The following STX2 variants were observed in gnomAD, a reference collection of about 807,000 sequenced individuals.
STX2 encodes the protein syntaxin 2, also known as syntaxin-2.
In STX2, 27 loss-of-function variants were observed where a neutral mutation model predicts 40.6. That is an observed-to-expected ratio of 0.66 (90% CI 0.49 to 0.92). The LOEUF is 0.92. Among genes scored for constraint, STX2 ranks in the 40% least tolerant of loss-of-function variants. The pLI, the probability that STX2 is intolerant of heterozygous loss-of-function variation, is 0.00. For missense variants in STX2, 328 were observed against 366.1 expected, an observed-to-expected ratio of 0.90 and a Z score of 0.85; for synonymous variants, 123 against 119.1, an observed-to-expected ratio of 1.03 and a Z score of -0.22.
At position 130,821,792 on chromosome 12, in the gene STX2, G is replaced by GGA. The variant is rs748006925; in HGVS notation, c.106-6_106-5dup. 57 of 1,545,054 alleles carry GGA rather than the reference G, an allele frequency of 3.7e-5. No individual in the cohort carries two copies. In the East Asian group the frequency reaches 5.4e-4, roughly 15 times the overall value. On this transcript the variant is annotated splice_region_variant and splice_polypyrimidine_tract_variant and intron_variant, in intron 2 of 10. Transcript: ENST00000392373. ...TACTGTTTCTAATCTCCTCCACCTA[G>GGA]GAGAGAGAGAGAGTCATTACAGCAT...
intron 1 of STX2, among the ~76,000 whole-genome samples, chr12:130,832,672 C>T (rs1383948759): frequency 1.3e-5 from 2 of 152,146 alleles, no homozygotes; most frequent in East Asian, 1.9e-4. Flanking sequence ...AACTTGGGGG[C>T]GGGGGCAGCC....
rs1225423848 is a variant in STX2 at position 130,798,351 on chromosome 12, C to A, written c.786+174G>T. On this transcript the variant is annotated intron_variant, in intron 9 of 10. Coordinates refer to ENST00000392373, the MANE Select transcript of STX2 (RefSeq NM_194356.4). Reference sequence around the variant, plus strand: ...CACAAAAGATGAACTACAAATAATTCATCTAATAAACCTTTTAAATTTTTA... The same window carrying A: ...CACAAAAGATGAACTACAAATAATTAATCTAATAAACCTTTTAAATTTTTA... 38 of 441,786 alleles carry A rather than the reference C, an allele frequency of 8.6e-5. No homozygotes were observed. The East Asian group carries it at 1.5e-3, about 18-fold the overall frequency. The allele number at this position is 441,786 out of a possible 1,614,324, so 27.4% of individuals were successfully genotyped here.
intron 3 of STX2, among the ~76,000 whole-genome samples, chr12:130,821,342 A>G (rs1952106733): frequency 6.6e-6 from 1 of 152,174 alleles, no homozygotes; most frequent in African/African-American, 2.4e-5. Flanking sequence ...TTCCAAATCA[A>G]TCCCTGATTC....
chr12:130,826,023 G>A (rs899345972), intron 2 of STX2, among the ~76,000 whole-genome samples: 7 of 152,330 alleles, frequency 4.6e-5, no homozygotes, highest in Middle Eastern at 6.8e-3. Flanking sequence ...TAAGCAGGAG[G>A]GGGAGGCCTC....
At chr12:130,834,704 CTA>C (rs1952697924) in intron 1 of STX2, among the ~76,000 whole-genome samples, 1 of 152,094 alleles carries the variant, frequency 6.6e-6, no homozygotes, top group Non-Finnish European at 1.5e-5. Context: ...AATAGAGAAA[CTA>C]TAGACTCCAA....
chr12:130,791,872 A>C lies in STX2; in HGVS notation c.*151T>G, dbSNP rs768615513. 1.9e-6 allele frequency: 3 copies of C among 1,598,986 alleles called. No homozygotes were observed. Among genetic ancestry groups the C allele is most frequent in the Non-Finnish European group, 2.6e-6 (3 of 1,168,178 alleles). ...GGTTGCAGATGTGGTCTGAGTCTCAAGGATAAATGGCTCTTGGGATATGGT... is the reference window on the plus strand; with the variant it reads ...GGTTGCAGATGTGGTCTGAGTCTCACGGATAAATGGCTCTTGGGATATGGT... On this transcript the variant is annotated 3_prime_UTR_variant, in exon 11 of 11. Coordinates refer to ENST00000392373, the MANE Select transcript of STX2 (RefSeq NM_194356.4).
intron 2 of STX2, among the ~76,000 whole-genome samples, chr12:130,822,681 A>C (rs1952160227): frequency 6.6e-6 from 1 of 152,168 alleles, no homozygotes; most frequent in Non-Finnish European, 1.5e-5. Flanking sequence ...ATAGGGCAAA[A>C]GATACTTTGC....
At chr12:130,818,178 A>AT (rs1243480438) in intron 3 of STX2, among the ~76,000 whole-genome samples, 15 of 35,564 alleles carry the variant, frequency 4.2e-4, no homozygotes, top group African/African-American at 1.1e-3. Context: ...TACAAAAAAA[A>AT]AAAAAAAATA....
At position 130,792,109 on chromosome 12, in the gene STX2, C is replaced by T. The variant is rs1003055503; in HGVS notation, c.*46-132G>A. ...TTATCAAGAAAGGACTCCTCCATGT[C>T]ATAGAAAAGAATGTGATCTTGGCTC... On this transcript the variant is annotated intron_variant, in intron 10 of 10. Transcript: ENST00000392373. 45 of 564,598 alleles carry T rather than the reference C, an allele frequency of 8.0e-5. 1 individual carries two copies. The highest frequency in any genetic ancestry group is 5.6e-4 in the East Asian group (17 of 30,090). 35.0% of individuals were successfully genotyped at this position (564,598 alleles called of 1,614,324 possible). A position where few individuals can be genotyped will look rare whatever the true frequency, so the allele number is the denominator to read the frequency against.
In STX2 at chr12:130,790,006, G is replaced by A. The variant is rs550917769; in HGVS notation, c.*2017C>T. The A allele has an allele frequency of 6.6e-6, 1 of 152,184 alleles. No homozygotes were observed. The highest frequency in any genetic ancestry group is 1.5e-5 in the Non-Finnish European group (1 of 68,042). The allele number at this position is 152,184 out of a possible 1,614,324, so 9.4% of individuals were successfully genotyped here. A position where few individuals can be genotyped will look rare whatever the true frequency, so the allele number is the denominator to read the frequency against. On this transcript the variant is annotated 3_prime_UTR_variant, in exon 11 of 11. Transcript: ENST00000392373. ...CCTTGAAGGAAAGGTGGGACATCAC[G>A]GGAGGCAGGTCCCCCTGTGGACATG...
rs1490225008 is a variant in STX2 at position 130,801,475 on chromosome 12, G to T, written c.477C>A (p.Thr159=). 1 of 1,604,062 alleles carries T rather than the reference G, an allele frequency of 6.2e-7. No individual in the cohort carries two copies. The highest frequency in any genetic ancestry group is 2.2e-5 in the East Asian group (1 of 44,696). ...QRQLEITGRT[T]TDDELEEMLE... Reference sequence around the variant, plus strand: ...GCATCTCTTCTAGCTCGTCGTCTGTGGTGGTTCTCCCAGCTGAAAGACCCG... The same window carrying T: ...GCATCTCTTCTAGCTCGTCGTCTGTTGTGGTTCTCCCAGCTGAAAGACCCG... Residue 159 remains threonine (T), a synonymous_variant, in exon 7 of 11, where the codon ACC becomes ACA. Coordinates refer to ENST00000392373, the MANE Select transcript of STX2 (RefSeq NM_194356.4).
rs1950847609 is a variant in STX2 at position 130,790,390 on chromosome 12, T to TA, written c.*1632dup. The TA allele has an allele frequency of 6.6e-6, 1 of 152,202 alleles. No homozygotes were observed. The highest frequency in any genetic ancestry group is 2.4e-5 in the African/African-American group (1 of 41,446). The allele number at this position is 152,202 out of a possible 1,614,324, so 9.4% of individuals were successfully genotyped here. A position where few individuals can be genotyped will look rare whatever the true frequency, so the allele number is the denominator to read the frequency against. ...AAAGTCACATGCTTACACTACTACA[T>TA]ACAGGAGTAACAAGAGTTCACGACA... On this transcript the variant is annotated 3_prime_UTR_variant, in exon 11 of 11. Coordinates refer to ENST00000392373, the MANE Select transcript of STX2 (RefSeq NM_194356.4).
chr12:130,799,525 G>A (rs1390759670), intron 8 of STX2, among the ~76,000 whole-genome samples: 5 of 152,038 alleles, frequency 3.3e-5, no homozygotes, highest in Admixed American at 6.6e-5. Flanking sequence ...GTAACCAATG[G>A]TAATCAGACT....
chr12:130,814,563 G>A (rs1209975328), intron 3 of STX2, among the ~76,000 whole-genome samples: 1 of 152,014 alleles, frequency 6.6e-6, no homozygotes, highest in Non-Finnish European at 1.5e-5. Flanking sequence ...TTTTACTGAG[G>A]GCACCAGTCA....
chr12:130,791,969 C>G lies in STX2; in HGVS notation c.*54G>C. On this transcript the variant is annotated 3_prime_UTR_variant, in exon 11 of 11. Coordinates refer to ENST00000392373, the MANE Select transcript of STX2 (RefSeq NM_194356.4). ...AAACAATTACACAAATAATAATGAA[C>G]ATCAATTTCTGCAAGATAAAGAAAA... is the stretch of plus-strand genomic sequence containing the variant. 2 of 1,601,040 alleles carry G rather than the reference C, an allele frequency of 1.2e-6. No individual in the cohort carries two copies. The highest frequency in any genetic ancestry group is 8.5e-7 in the Non-Finnish European group (1 of 1,171,162).
intron 2 of STX2, among the ~76,000 whole-genome samples, chr12:130,822,752 C>T (rs1320237515): frequency 6.6e-6 from 1 of 152,172 alleles, no homozygotes; most frequent in East Asian, 1.9e-4. Context: ...CAGTTTGGTC[C>T]TCATTAACCC....
At position 130,839,120 on chromosome 12, in the gene STX2, G is replaced by A; in HGVS notation, c.-21C>T. 1 of 1,258,170 alleles carries A rather than the reference G, an allele frequency of 7.9e-7. No individual in the cohort carries two copies. The highest frequency in any genetic ancestry group is 1.6e-5 in the African/African-American group (1 of 63,676). The allele number at this position is 1,258,170 out of a possible 1,614,324, so 77.9% of individuals were successfully genotyped here. A position where few individuals can be genotyped will look rare whatever the true frequency, so the allele number is the denominator to read the frequency against. ...CGCATCCCCGCCGGCCGGGCAGCGC[G>A]CCCCGCCGCTCAAGCCTGTCCCGAG... On this transcript the variant is annotated 5_prime_UTR_variant, in exon 1 of 11. Coordinates refer to ENST00000392373, the MANE Select transcript of STX2 (RefSeq NM_194356.4).
intron 8 of STX2, among the ~76,000 whole-genome samples, chr12:130,800,397 C>T (rs1417151720): frequency 6.6e-6 from 1 of 151,506 alleles, no homozygotes; most frequent in Non-Finnish European, 1.5e-5. Context: ...AACTCATGGG[C>T]ATAAACAATC....
At chr12:130,837,537 GC>G (rs1226401406) in intron 1 of STX2, among the ~76,000 whole-genome samples, 2 of 152,120 alleles carry the variant, frequency 1.3e-5, no homozygotes, top group Non-Finnish European at 2.9e-5. Context: ...ACCCAACTCG[GC>G]CTCCCAAAGT....
Sources: allele counts gnomAD v4.1 joint callset (sites outside exome capture counted in the v4.1 genomes callset), GRCh38; gene constraint gnomAD v4.1.1; transcripts MANE v1.5; gene names NCBI Gene and HGNC (gene_info 2026-07-23, HGNC 2026-07-21).